Variants in NR6A1 observed in about 807,000 individuals in gnomAD.
NR6A1 encodes the protein retinoic acid receptor-related testis-associated receptor.
In NR6A1, 7 loss-of-function variants were observed where a neutral mutation model predicts 59.1. The observed-to-expected ratio is 0.12, with a 90% CI of 0.07 to 0.22. NR6A1 has a LOEUF of 0.22. NR6A1 is among the 10% of genes least tolerant of loss of function. NR6A1 has a pLI of 1.00. For missense variants in NR6A1, 468 were observed against 611.6 expected (o/e 0.77, Z 2.48); for synonymous variants, 243 against 236.1 (o/e 1.03, Z -0.27).
At chr9:124,606,574 C>T (rs1010497553) in intron 2 of NR6A1, among the ~76,000 whole-genome samples, 7 of 152,194 alleles carry the variant, frequency 4.6e-5, no homozygotes, top group Non-Finnish European at 5.9e-5. Flanking sequence ...CAAATAGCAA[C>T]TATACAACAT....
chr9:124,702,146 C>A (rs1472334423), intron 2 of NR6A1, among the ~76,000 whole-genome samples: 2 of 152,174 alleles, frequency 1.3e-5, no homozygotes, highest in Non-Finnish European at 2.9e-5. Flanking sequence ...CAATGAATTT[C>A]TTTTATGGCT....
At chr9:124,689,352 G>A (rs999371796) in intron 2 of NR6A1, among the ~76,000 whole-genome samples, 2 of 152,088 alleles carry the variant, frequency 1.3e-5, no homozygotes, top group African/African-American at 4.8e-5. Flanking sequence ...TTACTATGCT[G>A]TAAATACTGC....
In NR6A1 at chr9:124,666,275, C is replaced by CTTTTTTTTTTTTTTTTTTTTTTTT. The variant is rs922378385; in HGVS notation, c.142+67032_142+67033insAAAAAAAAAAAAAAAAAAAAAAAA. ...TTGGCGGAATTACCTCTATGTGGTTCTTTTTTTTTTTTTTTTTTTTTGAGA... is the reference window on the plus strand; with the variant it reads ...TTGGCGGAATTACCTCTATGTGGTTCTTTTTTTTTTTTTTTTTTTTTTTTTTTTTTTTTTTTTTTTTTTTTGAGA... On this transcript the variant is annotated intron_variant, in intron 2 of 9. Transcript: ENST00000487099. 1.3e-4 allele frequency among the ~76,000 whole-genome samples: 13 copies of CTTTTTTTTTTTTTTTTTTTTTTTT among 103,050 alleles called. 1 individual carries two copies. Among genetic ancestry groups the CTTTTTTTTTTTTTTTTTTTTTTTT allele is most frequent in the East Asian group, 9.6e-4 (3 of 3,128 alleles). 67.6% of individuals were successfully genotyped at this position (103,050 alleles called of 152,430 possible).
At chr9:124,644,271 CTTTT>C (rs35401605) in intron 2 of NR6A1, among the ~76,000 whole-genome samples, 4 of 96,744 alleles carry the variant, frequency 4.1e-5, no homozygotes, top group Non-Finnish European at 7.7e-5. Context: ...ATTAAGTCTT[CTTTT>C]TTTTTTTTTT....
intron 2 of NR6A1, among the ~76,000 whole-genome samples, chr9:124,624,351 A>G (rs1345830474): frequency 6.6e-6 from 1 of 152,232 alleles, no homozygotes; most frequent in Non-Finnish European, 1.5e-5. Flanking sequence ...TCCTGTCCTC[A>G]GACAGATGAG....
chr9:124,554,304 A>G, intron 3 of NR6A1, 24 bp downstream of exon 3: 2 of 1,614,036 alleles, frequency 1.2e-6, no homozygotes, highest in Non-Finnish European at 1.7e-6. Context: ...AGGATGGGCC[A>G]TCAGAGCCAT....
intron 2 of NR6A1, among the ~76,000 whole-genome samples, chr9:124,624,368 A>G (rs1380356430): frequency 1.3e-5 from 2 of 152,228 alleles, no homozygotes; most frequent in Non-Finnish European, 2.9e-5. Flanking sequence ...TGAGAATGTT[A>G]CCATCTGAAC....
intron 2 of NR6A1, among the ~76,000 whole-genome samples, chr9:124,588,844 C>T (rs1372244747): frequency 4.9e-5 from 7 of 143,392 alleles, no homozygotes; most frequent in African/African-American, 1.0e-4. Flanking sequence ...GGCGCGAACC[C>T]GGGAAGCAGA....
intron 3 of NR6A1, 44 bp from the exon 4 acceptor site, chr9:124,543,901 C>CAT: frequency 6.5e-7 from 1 of 1,543,280 alleles, no homozygotes; most frequent in Non-Finnish European, 8.9e-7. Context: ...GAAGCACACT[C>CAT]ATATAAGTCT....
chr9:124,599,429 A>T (rs1433520580), intron 2 of NR6A1: 2 of 407,676 alleles, frequency 4.9e-6, no homozygotes, highest in Admixed American at 3.6e-5. Flanking sequence ...CAAAAAAAAA[A>T]AAAAAAAGTT....
intron 1 of NR6A1, among the ~76,000 whole-genome samples, chr9:124,745,893 A>T (rs1263835049): frequency 6.8e-6 from 1 of 146,624 alleles, no homozygotes; most frequent in Non-Finnish European, 1.5e-5. Context: ...AGGCTGAGGC[A>T]GGGAGAACTG....
chr9:124,648,883 A>C (rs2130917149), intron 2 of NR6A1, among the ~76,000 whole-genome samples: 1 of 152,250 alleles, frequency 6.6e-6, no homozygotes, highest in East Asian at 1.9e-4. Context: ...AAATACCTAG[A>C]AATAGAATTA....
chr9:124,699,747 T>C (rs193302741), intron 2 of NR6A1, among the ~76,000 whole-genome samples: 30 of 152,300 alleles, frequency 2.0e-4, no homozygotes, highest in Admixed American at 5.9e-4. Flanking sequence ...TTTCGAACCT[T>C]TGCATCACCC....
At chr9:124,599,034 G>A in intron 2 of NR6A1, 1 of 740,020 alleles carries the variant, frequency 1.4e-6, no homozygotes, top group Non-Finnish European at 2.5e-6. Flanking sequence ...CTCATGAGGA[G>A]GCGGGTGGTC....
intron 2 of NR6A1, among the ~76,000 whole-genome samples, chr9:124,684,365 T>C (rs1268660383): frequency 6.6e-6 from 1 of 152,232 alleles, no homozygotes; most frequent in Non-Finnish European, 1.5e-5. Context: ...GAGCCATCAT[T>C]AATGTCCAAG....
At chr9:124,616,857 T>G (rs570138637) in intron 2 of NR6A1, among the ~76,000 whole-genome samples, 2 of 152,290 alleles carry the variant, frequency 1.3e-5, no homozygotes, top group South Asian at 4.1e-4. Context: ...GGTGAAGTTT[T>G]GAAGAAATGG....
intron 2 of NR6A1, among the ~76,000 whole-genome samples, chr9:124,610,099 C>G (rs1437812531): frequency 6.6e-6 from 1 of 152,168 alleles, no homozygotes; most frequent in African/African-American, 2.4e-5. Flanking sequence ...ATTTCTTTCT[C>G]TTGACTGATT....
intron 2 of NR6A1, among the ~76,000 whole-genome samples, chr9:124,723,503 C>T (rs1053425456): frequency 1.3e-5 from 2 of 152,182 alleles, no homozygotes; most frequent in Non-Finnish European, 2.9e-5. Context: ...TATGGTCATA[C>T]ACTCTGAACA....
At chr9:124,701,259 C>T (rs150791084) in intron 2 of NR6A1, among the ~76,000 whole-genome samples, 1,701 of 152,224 alleles carry the variant, frequency 0.011, 30 homozygotes, top group African/African-American at 0.039. Flanking sequence ...ACAGTCTTTT[C>T]GATTACAGCT....
Sources: allele counts gnomAD v4.1 joint callset (sites outside exome capture counted in the v4.1 genomes callset), GRCh38; gene constraint gnomAD v4.1.1; transcripts MANE v1.5; gene names NCBI Gene and HGNC (gene_info 2026-07-23, HGNC 2026-07-21).